The following CMSS1 variants were observed in gnomAD, a reference collection of about 807,000 sequenced individuals.
CMSS1 encodes cms1 ribosomal small subunit homolog, also known as protein CMSS1.
Under a neutral mutation model 43.5 loss-of-function variants are expected in CMSS1, and 33 were observed. The ratio of observed to expected loss-of-function variants is 0.76; its 90% confidence interval spans 0.57 to 1.01. CMSS1 has a LOEUF of 1.01. CMSS1 is among the 50% of genes least tolerant of loss of function. CMSS1 has a pLI of 0.00. For missense variants in CMSS1, 313 were observed against 326.4 expected (o/e 0.96, Z 0.32); for synonymous variants, 115 against 117.2 (o/e 0.98, Z 0.12).
chr3:100,113,483 A>G (rs1488587013), intron 1 of CMSS1, among the ~76,000 whole-genome samples: 1 of 152,200 alleles, frequency 6.6e-6, no homozygotes, highest in Non-Finnish European at 1.5e-5. Context: ...TCTGGCTCTC[A>G]TTCATTAAAT....
chr3:100,146,887 T>A (rs1352764980), intron 1 of CMSS1, 86 bp from the exon 2 acceptor site: 3 of 1,503,836 alleles, frequency 2.0e-6, no homozygotes, highest in Non-Finnish European at 2.7e-6. Context: ...AGTGAAGAGA[T>A]AGAACCTTCT....
chr3:100,174,119 G>C (rs560205037), intron 8 of CMSS1, among the ~76,000 whole-genome samples: 1 of 152,306 alleles, frequency 6.6e-6, no homozygotes, highest in East Asian at 1.9e-4. Context: ...GAAAGTCCTT[G>C]AACAGTAAGC....
intron 1 of CMSS1, among the ~76,000 whole-genome samples, chr3:100,104,098 C>G (rs554915596): frequency 6.6e-6 from 1 of 152,292 alleles, no homozygotes; most frequent in Admixed American, 6.5e-5. Flanking sequence ...TGAAATGAAG[C>G]CAACTGCTCT....
Position 100,097,365 on chromosome 3 carries a change from A to G in CMSS1, c.65-49608A>G, listed in dbSNP as rs143280212. Among the ~76,000 whole-genome samples the G allele has an allele frequency of 4.6e-3, 704 of 152,344 alleles. 2 individuals are homozygous for G. The highest frequency in any genetic ancestry group is 7.0e-3 in the South Asian group (34 of 4,830). ...GACATTTTTTAAAGGCTACAGGAGG[A>G]TCTGCATGGATTATATGCAAATACT... On this transcript the variant is annotated intron_variant, in intron 1 of 9. Transcript: ENST00000421999.
chr3:99,897,867 G>A (rs1281495507), intron 1 of CMSS1, among the ~76,000 whole-genome samples: 1 of 152,174 alleles, frequency 6.6e-6, no homozygotes, highest in Non-Finnish European at 1.5e-5. Context: ...AATATATGTG[G>A]TAAAACAAAT....
chr3:100,017,736 G>A (rs1182043634), intron 1 of CMSS1, among the ~76,000 whole-genome samples: 2 of 151,734 alleles, frequency 1.3e-5, no homozygotes, highest in Admixed American at 1.3e-4. Flanking sequence ...ACCAGCCGAG[G>A]CAACAAAGTG....
chr3:100,053,489 C>G (rs540182836), intron 1 of CMSS1, among the ~76,000 whole-genome samples: 69 of 152,304 alleles, frequency 4.5e-4, no homozygotes, highest in Admixed American at 1.8e-3. Context: ...AAATTTCTGT[C>G]TTCTCATGAG....
At chr3:100,048,710 G>T (rs1241999963) in intron 1 of CMSS1, among the ~76,000 whole-genome samples, 1 of 152,124 alleles carries the variant, frequency 6.6e-6, no homozygotes, top group African/African-American at 2.4e-5. Context: ...ATCAAGTCCA[G>T]GTGGGTTTTA....
At chr3:99,969,452 C>CT (rs997004472) in intron 1 of CMSS1, among the ~76,000 whole-genome samples, 13 of 152,166 alleles carry the variant, frequency 8.5e-5, no homozygotes, top group African/African-American at 2.9e-4. Context: ...TGAAAGCTGA[C>CT]TTTTTTTTCC....
chr3:99,926,404 T>C (rs139624188), intron 1 of CMSS1, among the ~76,000 whole-genome samples: 1 of 152,350 alleles, frequency 6.6e-6, no homozygotes, highest in East Asian at 1.9e-4. Flanking sequence ...GCTCTAGTGT[T>C]GATTGTCATG....
intron 1 of CMSS1, among the ~76,000 whole-genome samples, chr3:100,062,093 CTTTTTTTTTTTTTTTTTTT>C (rs71907944): frequency 0.056 from 2,961 of 53,206 alleles, 102 homozygotes; most frequent in East Asian, 0.27. Context: ...CTGTCTTCTT[CTTTTTTTTTTTTTTTTTTT>C]TTTTTTTTTT....
intron 1 of CMSS1, among the ~76,000 whole-genome samples, chr3:100,145,074 GC>G (rs2066837011): frequency 6.6e-6 from 1 of 152,036 alleles, no homozygotes; most frequent in African/African-American, 2.4e-5. Context: ...ATTTTTGAAG[GC>G]CCTGTTAATC....
At chr3:100,051,500 T>TC (rs2065372414) in intron 1 of CMSS1, among the ~76,000 whole-genome samples, 1 of 88,130 alleles carries the variant, frequency 1.1e-5, no homozygotes, top group Non-Finnish European at 2.2e-5. Flanking sequence ...ATGCTAACCC[T>TC]CCCCCCTCCC....
intron 1 of CMSS1, among the ~76,000 whole-genome samples, chr3:100,117,828 T>TATATATATATATATATATATATAC (rs2066585162): frequency 3.9e-5 from 3 of 77,338 alleles, no homozygotes; most frequent in African/African-American, 1.9e-4. Flanking sequence ...AACTGCAGTA[T>TATATATATATATATATATATATAC]ATATATATAT....
intron 1 of CMSS1, among the ~76,000 whole-genome samples, chr3:100,035,079 A>T (rs928007362): frequency 3.3e-5 from 5 of 152,094 alleles, no homozygotes; most frequent in South Asian, 2.1e-4. Context: ...TTTAGGGTTG[A>T]TCTGTTATCA....
In CMSS1 at chr3:99,932,484, AT is replaced by A. The variant is rs201919473; in HGVS notation, c.64+114450del. Among the ~76,000 whole-genome samples, 24 of 151,094 alleles carry A rather than the reference AT, an allele frequency of 1.6e-4. No individual in the cohort carries two copies. In the Middle Eastern group the frequency reaches 0.01, roughly 65 times the overall value. The stretch of plus-strand genomic sequence containing the variant: ...CTTGTTCATTTTACTGTTTTTGAAT[AT>A]TTTTTTTTCAGTATTCAAAAAAATG... On this transcript the variant is annotated intron_variant, in intron 1 of 9. Transcript: ENST00000421999.
chr3:99,828,387 A>T (rs1942575498), intron 1 of CMSS1, among the ~76,000 whole-genome samples: 1 of 149,080 alleles, frequency 6.7e-6, no homozygotes, highest in Non-Finnish European at 1.5e-5. Flanking sequence ...GAGGCACAAT[A>T]CTAAGCACTC....
intron 8 of CMSS1, among the ~76,000 whole-genome samples, chr3:100,175,541 G>A (rs553767674): frequency 1.6e-4 from 25 of 152,206 alleles, no homozygotes; most frequent in African/African-American, 6.0e-4. Flanking sequence ...TTTAATAACA[G>A]GCATTTGAAT....
chr3:99,918,143 A>G (rs958994275), intron 1 of CMSS1, among the ~76,000 whole-genome samples: 3 of 151,814 alleles, frequency 2.0e-5, no homozygotes, highest in Non-Finnish European at 4.4e-5. Context: ...ACGCCCGGCT[A>G]ATTTTTGTAT....
Sources: allele counts gnomAD v4.1 joint callset (sites outside exome capture counted in the v4.1 genomes callset), GRCh38; gene constraint gnomAD v4.1.1; transcripts MANE v1.5; gene names NCBI Gene and HGNC (gene_info 2026-07-23, HGNC 2026-07-21).